SELENOI: variants seen among roughly 807,000 people sequenced by gnomAD.
The protein encoded by SELENOI is selenoprotein I.
Under a neutral mutation model 50.7 loss-of-function variants are expected in SELENOI, and 24 were observed. That is an observed-to-expected ratio of 0.47 (90% CI 0.34 to 0.67). SELENOI has a LOEUF of 0.67. Ranked by LOEUF, SELENOI falls within the 30% of genes least tolerant of loss-of-function variation. SELENOI has a pLI of 0.01. For missense variants in SELENOI, 352 were observed against 461.4 expected (o/e 0.76, Z 2.17); for synonymous variants, 155 against 170.2 (o/e 0.91, Z 0.70).
In SELENOI at chr2:26,386,633, A is replaced by C. The variant is rs1299782475; in HGVS notation, c.1095+97A>C. On this transcript the variant is annotated intron_variant, in intron 9 of 9. Coordinates refer to ENST00000260585, the MANE Select transcript of SELENOI (RefSeq NM_033505.4). ...AAGGAGGCAATGGAAAATTTTAAAA[A>C]GAAAGTTGCTTATTATAGTAGCTGT... 6.5e-6 allele frequency: 7 copies of C among 1,081,730 alleles called. No homozygotes were observed. In the African/African-American group the frequency reaches 1.1e-4, roughly 18 times the overall value. The allele number at this position is 1,081,730 out of a possible 1,614,324, so 67.0% of individuals were successfully genotyped here.
intron 9 of SELENOI, among the ~76,000 whole-genome samples, chr2:26,388,317 C>A (rs1413323942): frequency 1.6e-4 from 24 of 152,146 alleles, no homozygotes; most frequent in Non-Finnish European, 8.8e-5. Context: ...ATATACTTTT[C>A]TTTAAATGAT....
intron 7 of SELENOI, among the ~76,000 whole-genome samples, 187 bp downstream of exon 7, chr2:26,383,534 C>A (rs1015218752): frequency 4.6e-5 from 7 of 152,202 alleles, no homozygotes; most frequent in Admixed American, 3.9e-4. Context: ...TCATTTCAAA[C>A]ACAGCACAAA....
chr2:26,378,325 A>G (rs1677611544), intron 6 of SELENOI, among the ~76,000 whole-genome samples: 1 of 152,178 alleles, frequency 6.6e-6, no homozygotes, highest in African/African-American at 2.4e-5. Flanking sequence ...GAGATACAGC[A>G]GACTCACATC....
intron 1 of SELENOI, among the ~76,000 whole-genome samples, chr2:26,351,122 A>G (rs554632026): frequency 1.3e-5 from 2 of 148,506 alleles, no homozygotes; most frequent in Admixed American, 1.3e-4. Context: ...GCAGAGGTAC[A>G]ATCTCGGCTC....
At chr2:26,375,332 T>C (rs538317641) in intron 6 of SELENOI, among the ~76,000 whole-genome samples, 184 bp downstream of exon 6, 1 of 152,162 alleles carries the variant, frequency 6.6e-6, no homozygotes, top group African/African-American at 2.4e-5. Flanking sequence ...GTTTTTGGGG[T>C]TTTTTTGTTC....
intron 1 of SELENOI, among the ~76,000 whole-genome samples, chr2:26,354,830 T>C (rs1677033933): frequency 6.6e-6 from 1 of 152,234 alleles, no homozygotes; most frequent in African/African-American, 2.4e-5. Flanking sequence ...CTTTCCCTGG[T>C]TTAAAATTAT....
intron 1 of SELENOI, among the ~76,000 whole-genome samples, chr2:26,351,206 G>A (rs771869111): frequency 9.9e-5 from 15 of 151,928 alleles, no homozygotes; most frequent in Non-Finnish European, 1.8e-4. Flanking sequence ...TTACAGGCAC[G>A]CACCACCACA....
intron 7 of SELENOI, among the ~76,000 whole-genome samples, 161 bp from the exon 8 acceptor site, chr2:26,384,798 C>G (rs536515513): frequency 4.1e-4 from 62 of 152,276 alleles, no homozygotes; most frequent in African/African-American, 1.4e-3. Flanking sequence ...CTCACTTAGC[C>G]TGTCTGTAAA....
intron 4 of SELENOI, among the ~76,000 whole-genome samples, chr2:26,370,960 G>A (rs1187370462): frequency 6.6e-5 from 9 of 136,208 alleles, no homozygotes; most frequent in African/African-American, 2.0e-4. Flanking sequence ...CGGATGGGGC[G>A]GCTGGCCGGG....
chr2:26,362,142 C>T (rs904979125), intron 1 of SELENOI, among the ~76,000 whole-genome samples: 2 of 152,038 alleles, frequency 1.3e-5, no homozygotes, highest in African/African-American at 4.8e-5. Context: ...GTCGCCCAGG[C>T]TGGAGTAAGC....
chr2:26,370,482 G>A (rs1340299251), intron 4 of SELENOI, among the ~76,000 whole-genome samples: 2 of 149,842 alleles, frequency 1.3e-5, no homozygotes, highest in Non-Finnish European at 3.0e-5. Flanking sequence ...CTGGCTGGGC[G>A]GGGGGCTGAC....
At chr2:26,376,051 C>G (rs1408401638) in intron 6 of SELENOI, among the ~76,000 whole-genome samples, 2 of 147,018 alleles carry the variant, frequency 1.4e-5, no homozygotes, top group Non-Finnish European at 3.0e-5. Flanking sequence ...TCGCATGTGC[C>G]ACTGCACTCC....
In SELENOI at chr2:26,395,153, TG is replaced by T. The variant is rs1375058665; in HGVS notation, c.*6051del. The stretch of plus-strand genomic sequence containing the variant: ...GATGTGTGTGTATGCCTATTTAATA[TG>T]TACACATATATTCACTACATATGTA... On this transcript the variant is annotated 3_prime_UTR_variant, in exon 10 of 10. Coordinates refer to ENST00000260585, the MANE Select transcript of SELENOI (RefSeq NM_033505.4). 5 of 152,260 alleles carry T rather than the reference TG, an allele frequency of 3.3e-5. No individual in the cohort carries two copies. Among genetic ancestry groups the T allele is most frequent in the Non-Finnish European group, 7.3e-5 (5 of 68,038 alleles). The allele number at this position is 152,260 out of a possible 1,614,324, so 9.4% of individuals were successfully genotyped here. A position where few individuals can be genotyped will look rare whatever the true frequency, so the allele number is the denominator to read the frequency against.
chr2:26,371,385 CG>C lies in SELENOI; in HGVS notation c.311-1979del, dbSNP rs1439564644. ...CCCCACATCCCAGACGATGGGCAGC[CG>C]GGCAGAGACGCTCCTCACTTCCTAG... On this transcript the variant is annotated intron_variant, in intron 4 of 9. Coordinates refer to ENST00000260585, the MANE Select transcript of SELENOI (RefSeq NM_033505.4). Among the ~76,000 whole-genome samples the C allele has an allele frequency of 2.8e-5, 4 of 141,118 alleles. No homozygotes were observed. In the East Asian group the frequency reaches 8.4e-4, roughly 30 times the overall value. 92.6% of individuals were successfully genotyped at this position (141,118 alleles called of 152,430 possible). A position where few individuals can be genotyped will look rare whatever the true frequency, so the allele number is the denominator to read the frequency against.
rs1678065446 is a variant in SELENOI at position 26,395,282 on chromosome 2, C to G, written c.*6179C>G. ...ATGTGGAGTTCATCTGCATGTGGCC[C>G]TTACTCTGAAGCCTCTTCCTGATCT... On this transcript the variant is annotated 3_prime_UTR_variant, in exon 10 of 10. Coordinates refer to ENST00000260585, the MANE Select transcript of SELENOI (RefSeq NM_033505.4). 1 of 152,186 alleles carries G rather than the reference C, an allele frequency of 6.6e-6. No homozygotes were observed. The highest frequency in any genetic ancestry group is 6.5e-5 in the Admixed American group (1 of 15,276). The allele number at this position is 152,186 out of a possible 1,614,324, so 9.4% of individuals were successfully genotyped here.
chr2:26,383,325 A>T lies in SELENOI; in HGVS notation c.709A>T (p.Met237Leu). 2 of 1,541,640 alleles carry T rather than the reference A, an allele frequency of 1.3e-6. No individual in the cohort carries two copies. The highest frequency in any genetic ancestry group is 1.8e-6 in the Non-Finnish European group (2 of 1,135,428). The change falls in exon 7 of 10, where the codon ATG becomes TTG. Residue 237 changes from methionine (M) to leucine (L), a missense_variant. Met to Leu is a conservative substitution (Grantham distance 15). Transcript: ENST00000260585. Reference sequence around the variant, plus strand: ...TTGTGCATTATGTGTGACTCTTCCAATGAGTTTATTAAACTTTTTCAGGTA... The same window carrying T: ...TTGTGCATTATGTGTGACTCTTCCATTGAGTTTATTAAACTTTTTCAGGTA... The part of the protein sequence containing the change: ...IGCALCVTLP[M>L]SLLNFFRSYK...
chr2:26,385,245 A>G, intron 8 of SELENOI, 106 bp downstream of exon 8: 1 of 686,272 alleles, frequency 1.5e-6, no homozygotes, highest in African/African-American at 1.9e-5. Flanking sequence ...TTTAACTTAA[A>G]GATTTTTATT....
At chr2:26,370,523 GGCCGGGCAGAGGGGC>G (rs1677395877) in intron 4 of SELENOI, among the ~76,000 whole-genome samples, 2 of 143,120 alleles carry the variant, frequency 1.4e-5, no homozygotes, top group Non-Finnish European at 3.1e-5. Flanking sequence ...CGGGGCGGCT[GGCCGGGCAGAGGGGC>G]TCCTCACGTC....
chr2:26,368,704 G>T (rs1046855197), intron 4 of SELENOI, among the ~76,000 whole-genome samples: 1 of 152,204 alleles, frequency 6.6e-6, no homozygotes, highest in African/African-American at 2.4e-5. Flanking sequence ...CAGACTTGTG[G>T]AGATGGAATG....
Sources: gnomAD v4.1 joint callset for allele counts (sites outside exome capture counted in the v4.1 genomes callset) on GRCh38, gnomAD v4.1.1 for gene constraint, MANE v1.5 for transcripts, NCBI Gene and HGNC (gene_info 2026-07-23, HGNC 2026-07-21) for gene names.